The following RAD54L2 variants were observed in gnomAD, a reference collection of about 807,000 sequenced individuals.
RAD54L2 encodes RAD54 like 2.
Under a neutral mutation model 138.4 loss-of-function variants are expected in RAD54L2, and 27 were observed. The observed-to-expected ratio is 0.20, with a 90% CI of 0.14 to 0.27. The LOEUF is 0.27. RAD54L2 is among the 10% of genes least tolerant of loss of function. The pLI, the probability that RAD54L2 is intolerant of heterozygous loss-of-function variation, is 1.00. For missense variants in RAD54L2, 1,396 were observed against 1,890.2 expected (o/e 0.74, Z 4.85); for synonymous variants, 644 against 723.2 (o/e 0.89, Z 1.76).
intron 3 of RAD54L2, among the ~76,000 whole-genome samples, chr3:51,625,342 C>T (rs1047454196): frequency 1.3e-5 from 2 of 152,164 alleles, no homozygotes; most frequent in East Asian, 1.9e-4. Flanking sequence ...CGCTTGAACC[C>T]GGGAGGCGGA....
chr3:51,555,144 G>C (rs777781635), intron 2 of RAD54L2, among the ~76,000 whole-genome samples: 73 of 152,082 alleles, frequency 4.8e-4, no homozygotes, highest in Non-Finnish European at 9.6e-4. Context: ...GGTGGCCCCA[G>C]ACACTCCTTT....
intron 10 of RAD54L2, among the ~76,000 whole-genome samples, chr3:51,636,928 G>A (rs1288733688): frequency 6.6e-6 from 1 of 151,884 alleles, no homozygotes; most frequent in Non-Finnish European, 1.5e-5. Flanking sequence ...GTGAGACTCT[G>A]TCTCAAAAAA....
intron 22 of RAD54L2, among the ~76,000 whole-genome samples, chr3:51,661,040 G>A (rs138201301): frequency 0.013 from 1,928 of 151,926 alleles, 20 homozygotes; most frequent in Non-Finnish European, 0.02. Context: ...TGCAACCTCC[G>A]CCTCCCGGGT....
chr3:51,541,483 A>G (rs1254547030), intron 1 of RAD54L2, 106 bp from the exon 2 acceptor site: 1 of 152,196 alleles, frequency 6.6e-6, no homozygotes, highest in African/African-American at 2.4e-5. Context: ...ATTTACAAAT[A>G]CTATATGTGT....
In RAD54L2 at chr3:51,615,821, G is replaced by A. The variant is rs189185531; in HGVS notation, c.140-11732G>A. 2.5e-4 allele frequency among the ~76,000 whole-genome samples: 38 copies of A among 152,244 alleles called. No homozygotes were observed. In the East Asian group the frequency reaches 7.3e-3, roughly 29 times the overall value. ...TCAAAACAATCAAGTTTTGGTTGTG[G>A]TTTTGTTCTTTTTTTAAACTTATGT... On this transcript the variant is annotated intron_variant, in intron 3 of 22. Coordinates refer to ENST00000684192, the MANE Select transcript of RAD54L2 (RefSeq NM_015106.4).
intron 3 of RAD54L2, among the ~76,000 whole-genome samples, chr3:51,592,075 T>G (rs1203285991): frequency 8.1e-5 from 11 of 136,532 alleles, no homozygotes; most frequent in Non-Finnish European, 1.7e-4. Flanking sequence ...TTTTTTTTTT[T>G]TTTTTTTTGA....
At chr3:51,643,741 T>TA in intron 15 of RAD54L2, 134 bp from the exon 16 acceptor site, 1 of 715,416 alleles carries the variant, frequency 1.4e-6, no homozygotes, top group Non-Finnish European at 2.4e-6. Flanking sequence ...AGACCCATGA[T>TA]ACGTCCAAGG....
intron 3 of RAD54L2, among the ~76,000 whole-genome samples, chr3:51,593,683 A>G (rs1290414508): frequency 6.6e-6 from 1 of 152,138 alleles, no homozygotes; most frequent in Non-Finnish European, 1.5e-5. Flanking sequence ...ACCACAGCTT[A>G]CTTTTATATT....
At chr3:51,624,944 G>A (rs947350712) in intron 3 of RAD54L2, among the ~76,000 whole-genome samples, 3 of 152,062 alleles carry the variant, frequency 2.0e-5, no homozygotes, top group Admixed American at 1.3e-4. Context: ...TCTTAGTGGT[G>A]GCTGAGTGCA....
intron 3 of RAD54L2, among the ~76,000 whole-genome samples, chr3:51,624,722 A>T (rs553779657): frequency 2.0e-5 from 3 of 152,206 alleles, no homozygotes; most frequent in Non-Finnish European, 2.9e-5. Flanking sequence ...GTCCTTACTG[A>T]ACCCCTATGC....
intron 2 of RAD54L2, among the ~76,000 whole-genome samples, chr3:51,543,212 TA>T (rs1253374269): frequency 1.3e-5 from 2 of 151,338 alleles, no homozygotes; most frequent in Admixed American, 1.3e-4. Flanking sequence ...AAGAGAAAAA[TA>T]AGTAGAGGCC....
intron 2 of RAD54L2, among the ~76,000 whole-genome samples, chr3:51,577,589 C>A (rs1280913548): frequency 2.6e-5 from 4 of 152,156 alleles, no homozygotes; most frequent in Non-Finnish European, 5.9e-5. Context: ...GATCCCTTTA[C>A]CATTATGTAA....
chr3:51,599,759 AAAG>A (rs1475015899), intron 3 of RAD54L2, among the ~76,000 whole-genome samples: 5 of 151,364 alleles, frequency 3.3e-5, no homozygotes, highest in African/African-American at 1.2e-4. Flanking sequence ...AAAAAAAAAA[AAAG>A]GGCAAAAACC....
intron 3 of RAD54L2, among the ~76,000 whole-genome samples, chr3:51,609,622 C>T (rs1398276781): frequency 6.6e-6 from 1 of 151,964 alleles, no homozygotes; most frequent in Non-Finnish European, 1.5e-5. Flanking sequence ...TCTGCTGTGA[C>T]ATCTGATGCT....
chr3:51,539,905 C>T (rs1698508425), intron 1 of RAD54L2, among the ~76,000 whole-genome samples: 1 of 152,132 alleles, frequency 6.6e-6, no homozygotes, highest in Non-Finnish European at 1.5e-5. Context: ...ACGTAGAGGA[C>T]AGTGTGGACC....
At chr3:51,634,445 C>A (rs928595233) in intron 9 of RAD54L2, among the ~76,000 whole-genome samples, 4 of 139,722 alleles carry the variant, frequency 2.9e-5, no homozygotes, top group Admixed American at 1.5e-4. Flanking sequence ...TCTCAGTTCA[C>A]TGCAACCTCT....
At chr3:51,643,033 T>C (rs1701179083) in intron 15 of RAD54L2, among the ~76,000 whole-genome samples, 1 of 116,566 alleles carries the variant, frequency 8.6e-6, no homozygotes, top group African/African-American at 4.3e-5. Flanking sequence ...ACTGAAGTCT[T>C]TTTTTTTTTT....
chr3:51,561,770 G>A (rs929823003), intron 2 of RAD54L2, among the ~76,000 whole-genome samples: 1 of 150,882 alleles, frequency 6.6e-6, no homozygotes, highest in African/African-American at 2.4e-5. Flanking sequence ...GCCCAGACTG[G>A]TCTTGAATTC....
intron 3 of RAD54L2, among the ~76,000 whole-genome samples, chr3:51,596,826 G>C (rs562406170): frequency 5.0e-4 from 76 of 152,268 alleles, no homozygotes; most frequent in Admixed American, 1.1e-3. Flanking sequence ...CATCCAAATT[G>C]TTTGGCCTAC....
Sources: gnomAD v4.1 joint callset for allele counts (sites outside exome capture counted in the v4.1 genomes callset) on GRCh38, gnomAD v4.1.1 for gene constraint, MANE v1.5 for transcripts, NCBI Gene and HGNC (gene_info 2026-07-23, HGNC 2026-07-21) for gene names.